ERC2: variants seen among roughly 807,000 people sequenced by gnomAD.
ERC2 encodes the protein ELKS/RAB6-interacting/CAST family member 2.
Under a neutral mutation model 114.8 loss-of-function variants are expected in ERC2, and 42 were observed. The ratio of observed to expected loss-of-function variants is 0.37; its 90% CI spans 0.29 to 0.47. ERC2 has a LOEUF of 0.47. Ranked by LOEUF, ERC2 falls within the 20% of genes least tolerant of loss-of-function variation. The probability of loss-of-function intolerance (pLI) is 0.99; values close to 1 mark genes in which losing one functional copy is unlikely to be tolerated. For missense variants in ERC2, 939 were observed against 1,150.7 expected (o/e 0.82, Z 2.66); for synonymous variants, 454 against 425.5 (o/e 1.07, Z -0.82).
intron 12 of ERC2, 107 bp from the exon 13 acceptor site, chr3:55,950,667 G>T: frequency 8.2e-7 from 1 of 1,218,150 alleles, no homozygotes; most frequent in Non-Finnish European, 1.2e-6. Flanking sequence ...ATAAGGGCTT[G>T]GGAAAAAGAT....
At chr3:56,008,920 T>A (rs1255498591) in intron 9 of ERC2, among the ~76,000 whole-genome samples, 1 of 152,196 alleles carries the variant, frequency 6.6e-6, no homozygotes, top group Non-Finnish European at 1.5e-5. Flanking sequence ...CCTCTGTAAC[T>A]GTGTAAGCCA....
chr3:55,722,775 C>T (rs1314986182), intron 15 of ERC2, among the ~76,000 whole-genome samples: 1 of 152,202 alleles, frequency 6.6e-6, no homozygotes, highest in Non-Finnish European at 1.5e-5. Flanking sequence ...TTACTGATCA[C>T]TTGCACTTCC....
chr3:55,721,126 T>A (rs546745079), intron 15 of ERC2, among the ~76,000 whole-genome samples: 1 of 152,212 alleles, frequency 6.6e-6, no homozygotes, highest in Non-Finnish European at 1.5e-5. Flanking sequence ...GGCAATTGTA[T>A]CTTGATGGGA....
At chr3:55,843,981 T>C (rs1000504814) in intron 14 of ERC2, among the ~76,000 whole-genome samples, 17 of 152,234 alleles carry the variant, frequency 1.1e-4, no homozygotes, top group African/African-American at 4.1e-4. Flanking sequence ...GTATTACCTA[T>C]AGAATAACTT....
intron 6 of ERC2, among the ~76,000 whole-genome samples, chr3:56,128,107 G>A (rs1035115997): frequency 1.3e-5 from 2 of 151,756 alleles, no homozygotes; most frequent in Non-Finnish European, 2.9e-5. Flanking sequence ...TTAAAAAAAA[G>A]ATTTGTAAGT....
intron 6 of ERC2, among the ~76,000 whole-genome samples, chr3:56,113,942 T>C (rs544562504): frequency 6.6e-6 from 1 of 152,264 alleles, no homozygotes; most frequent in Admixed American, 6.5e-5. Flanking sequence ...GGTTCATATA[T>C]TTAGAGAGGA....
At chr3:56,140,227 A>G (rs1001582479) in intron 5 of ERC2, among the ~76,000 whole-genome samples, 27 of 152,290 alleles carry the variant, frequency 1.8e-4, no homozygotes, top group African/African-American at 6.0e-4. Flanking sequence ...AAAATCCATA[A>G]TTCAATTCAC....
At chr3:56,116,244 T>C (rs527944308) in intron 6 of ERC2, among the ~76,000 whole-genome samples, 88 of 152,336 alleles carry the variant, frequency 5.8e-4, no homozygotes, top group African/African-American at 2.1e-3. Flanking sequence ...TATTTTACTC[T>C]ACTTTACCCT....
intron 5 of ERC2, among the ~76,000 whole-genome samples, chr3:56,147,357 A>G (rs1039732779): frequency 6.6e-6 from 1 of 152,178 alleles, no homozygotes; most frequent in African/African-American, 2.4e-5. Flanking sequence ...GTCCCCTCAT[A>G]TCTCCACTCC....
intron 17 of ERC2, among the ~76,000 whole-genome samples, chr3:55,529,805 A>G (rs1054656445): frequency 6.6e-6 from 1 of 152,196 alleles, no homozygotes; most frequent in African/African-American, 2.4e-5. Context: ...TGCTATTGAC[A>G]ATCAAATGCA....
chr3:56,273,150 T>G (rs1203311480), intron 3 of ERC2, among the ~76,000 whole-genome samples: 7 of 152,150 alleles, frequency 4.6e-5, no homozygotes. Flanking sequence ...TGCTTCATCT[T>G]CCTTGGTATT....
At chr3:55,727,957 A>T (rs2065022428) in intron 15 of ERC2, among the ~76,000 whole-genome samples, 1 of 152,216 alleles carries the variant, frequency 6.6e-6, no homozygotes, top group Non-Finnish European at 1.5e-5. Flanking sequence ...CAGTTGACAC[A>T]CAGGCCTCAT....
intron 7 of ERC2, among the ~76,000 whole-genome samples, chr3:56,055,121 C>T (rs559515760): frequency 1.8e-4 from 27 of 152,198 alleles, no homozygotes; most frequent in Non-Finnish European, 3.7e-4. Context: ...ATGCCAAACA[C>T]GGCGACCTGG....
At chr3:56,029,278 TA>T (rs1268666911) in intron 7 of ERC2, among the ~76,000 whole-genome samples, 1 of 152,080 alleles carries the variant, frequency 6.6e-6, no homozygotes, top group Non-Finnish European at 1.5e-5. Flanking sequence ...TTTTTGGCTT[TA>T]TTCTTTTTGT....
At chr3:56,341,845 T>C (rs575407411) in intron 2 of ERC2, among the ~76,000 whole-genome samples, 3 of 152,260 alleles carry the variant, frequency 2.0e-5, no homozygotes, top group African/African-American at 7.2e-5. Context: ...AAGCAGGGCA[T>C]CACCTACCTC....
At chr3:56,081,491 A>G (rs976750616) in intron 6 of ERC2, among the ~76,000 whole-genome samples, 1 of 152,140 alleles carries the variant, frequency 6.6e-6, no homozygotes, top group African/African-American at 2.4e-5. Context: ...ATGCTGCTGG[A>G]GGAAGAAAAT....
Position 55,832,915 on chromosome 3 carries a change from G to T in ERC2, c.2564+55474C>A, listed in dbSNP as rs2060673889. Among the ~76,000 whole-genome samples, 9 of 152,244 alleles carry T rather than the reference G, an allele frequency of 5.9e-5. No individual in the cohort carries two copies. The South Asian group carries it at 1.9e-3, about 32-fold the overall frequency. The stretch of plus-strand genomic sequence containing the variant: ...AACCAATACAGAGAAGTGCTTAAAG[G>T]AGCTGATGGAGCTGAAAGCCAAGGC... On this transcript the variant is annotated intron_variant, in intron 14 of 17. Transcript: ENST00000288221.
intron 14 of ERC2, among the ~76,000 whole-genome samples, chr3:55,784,718 C>G (rs1007248858): frequency 2.6e-5 from 4 of 152,176 alleles, no homozygotes; most frequent in Admixed American, 2.6e-4. Context: ...TATAATGTAG[C>G]TGAAATCTTA....
intron 3 of ERC2, among the ~76,000 whole-genome samples, chr3:56,205,461 T>A (rs1575819640): frequency 6.6e-6 from 1 of 152,270 alleles, no homozygotes; most frequent in Non-Finnish European, 1.5e-5. Flanking sequence ...TTAATGTCTG[T>A]CCAAACTCTT....
Sources: allele counts gnomAD v4.1 joint callset (sites outside exome capture counted in the v4.1 genomes callset), GRCh38; gene constraint gnomAD v4.1.1; transcripts MANE v1.5; gene names NCBI Gene and HGNC (gene_info 2026-07-23, HGNC 2026-07-21).